Variants in MARCHF1 observed in about 807,000 individuals in gnomAD.
MARCHF1 encodes the protein membrane associated ring-CH-type finger 1.
Under a neutral mutation model 54.2 loss-of-function variants are expected in MARCHF1, and 40 were observed. The observed-to-expected ratio is 0.74, with a 90% CI of 0.57 to 0.96. The LOEUF is 0.96. MARCHF1 is among the 40% of genes least tolerant of loss of function. The pLI is 0.00. For missense variants in MARCHF1, 586 were observed against 656.5 expected (o/e 0.89, Z 1.17); for synonymous variants, 236 against 236.3 (o/e 1.00, Z 0.01).
In MARCHF1 at chr4:164,219,125, TC is replaced by T. The variant is rs1742628867; in HGVS notation, c.-322-107464del. Reference sequence around the variant, plus strand: ...TGTGAAGAAGTCTGCACATGAGTGTTCCTAGCAGCTGTCTCGGTTTGGGCAT... The same window carrying T: ...TGTGAAGAAGTCTGCACATGAGTGTTCTAGCAGCTGTCTCGGTTTGGGCAT... On this transcript the variant is annotated intron_variant, in intron 1 of 9. Coordinates refer to ENST00000514618, the MANE Select transcript of MARCHF1 (RefSeq NM_001394959.1). Among the ~76,000 whole-genome samples, 3 of 152,266 alleles carry T rather than the reference TC, an allele frequency of 2.0e-5. No homozygotes were observed. The South Asian group carries it at 6.2e-4, about 32-fold the overall frequency.
intron 2 of MARCHF1, among the ~76,000 whole-genome samples, chr4:164,052,161 T>A (rs1234029271): frequency 6.6e-6 from 1 of 152,066 alleles, no homozygotes; most frequent in African/African-American, 2.4e-5. Context: ...TTTTTGTATT[T>A]TTTAAAAAAA....
intron 4 of MARCHF1, among the ~76,000 whole-genome samples, chr4:163,822,906 T>C (rs1166076119): frequency 6.6e-6 from 1 of 151,870 alleles, no homozygotes; most frequent in Non-Finnish European, 1.5e-5. Context: ...ATTCCACTCA[T>C]AGATATGGGT....
At chr4:163,616,313 G>C (rs1254074754) in intron 5 of MARCHF1, among the ~76,000 whole-genome samples, 1 of 152,116 alleles carries the variant, frequency 6.6e-6, no homozygotes, top group African/African-American at 2.4e-5. Context: ...GTAGTGAAGA[G>C]ACAGTCTGTA....
intron 1 of MARCHF1, among the ~76,000 whole-genome samples, chr4:164,339,434 TCA>T (rs1729851563): frequency 6.6e-6 from 1 of 152,072 alleles, no homozygotes; most frequent in South Asian, 2.1e-4. Flanking sequence ...ACTGGAAAAC[TCA>T]CAAATATGTA....
At chr4:163,577,809 T>C (rs936679810) in intron 8 of MARCHF1, among the ~76,000 whole-genome samples, 3 of 151,994 alleles carry the variant, frequency 2.0e-5, no homozygotes, top group Admixed American at 2.0e-4. Flanking sequence ...TTTGTCTAAC[T>C]GGGTGAGTTC....
intron 3 of MARCHF1, among the ~76,000 whole-genome samples, chr4:163,941,240 A>C (rs1009161531): frequency 1.3e-5 from 2 of 152,136 alleles, no homozygotes; most frequent in African/African-American, 4.8e-5. Context: ...TGTAAGCTTT[A>C]AGAGTGAAAA....
chr4:164,042,473 C>CTCATGAGAACACACTCACTG (rs1416690865), intron 2 of MARCHF1, among the ~76,000 whole-genome samples: 1 of 152,096 alleles, frequency 6.6e-6, no homozygotes, highest in Non-Finnish European at 1.5e-5. Flanking sequence ...ACAAACAGAT[C>CTCATGAGAACACACTCACTG]TCATGAGAAC....
chr4:163,741,907 T>C lies in MARCHF1; in HGVS notation c.112-41044A>G, dbSNP rs139914012. Among the ~76,000 whole-genome samples the C allele has an allele frequency of 3.3e-5, 5 of 152,374 alleles. No homozygotes were observed. In the East Asian group the frequency reaches 5.8e-4, roughly 18 times the overall value. On this transcript the variant is annotated intron_variant, in intron 4 of 9. Coordinates refer to ENST00000514618, the MANE Select transcript of MARCHF1 (RefSeq NM_001394959.1). ...TTTAATGTTTTCCATTATGATAATA[T>C]GTATATTTATATAAAACATACAATT...
intron 1 of MARCHF1, among the ~76,000 whole-genome samples, chr4:164,249,342 G>A (rs1733055393): frequency 6.6e-6 from 1 of 152,066 alleles, no homozygotes; most frequent in African/African-American, 2.4e-5. Context: ...TTTGATTTTT[G>A]ATGTATGGGA....
chr4:164,208,342 T>G (rs1331990990), intron 1 of MARCHF1, among the ~76,000 whole-genome samples: 1 of 152,190 alleles, frequency 6.6e-6, no homozygotes, highest in Admixed American at 6.5e-5. Context: ...GGCTGGATTC[T>G]TTCTTCCTGC....
At chr4:163,921,711 C>T (rs994910534) in intron 3 of MARCHF1, among the ~76,000 whole-genome samples, 1 of 151,952 alleles carries the variant, frequency 6.6e-6, no homozygotes, top group African/African-American at 2.4e-5. Context: ...TTAATTAGAA[C>T]TGTTTAATTA....
intron 1 of MARCHF1, chr4:164,383,103 T>C (rs80162682): frequency 0.071 from 10,735 of 152,216 alleles, 475 homozygotes; most frequent in Middle Eastern, 0.15. Context: ...GGATAAAACT[T>C]GGGCGTCTCT....
chr4:163,875,655 GAATC>G (rs1237434223), intron 3 of MARCHF1, among the ~76,000 whole-genome samples: 2 of 152,128 alleles, frequency 1.3e-5, no homozygotes, highest in South Asian at 4.2e-4. Context: ...TATGAAAAGT[GAATC>G]AATTTTTCCA....
At chr4:164,012,723 G>C (rs1753450653) in intron 2 of MARCHF1, among the ~76,000 whole-genome samples, 1 of 152,142 alleles carries the variant, frequency 6.6e-6, no homozygotes, top group Non-Finnish European at 1.5e-5. Context: ...GGAAAAGAAA[G>C]TGAGAGACTT....
In MARCHF1 at chr4:163,612,609, T is replaced by A; in HGVS notation, c.672A>T (p.Glu224Asp). Residue 224 changes from glutamate (E) to aspartate (D), a missense_variant, in exon 7 of 10, where the codon GAA (glutamate) becomes GAT (aspartate). Around this residue, in one of 3 missense-constraint regions of MARCHF1, gnomAD observed 387 missense variants for 394.6 expected, o/e 0.98. Coordinates refer to ENST00000514618, the MANE Select transcript of MARCHF1 (RefSeq NM_001394959.1). ...GGAGATTTAAAGAGCAACTCTCACA[T>A]TCAATCAGCTCTTGTTGCTCTTTAC... ...SKGKEQQELI[E>D]CESCSLNLHR... 1 of 1,535,636 alleles carries A rather than the reference T, an allele frequency of 6.5e-7. No homozygotes were observed. Among genetic ancestry groups the A allele is most frequent in the Non-Finnish European group, 8.7e-7 (1 of 1,146,554 alleles).
In MARCHF1 at chr4:163,528,657, G is replaced by A. The variant is rs1738230229; in HGVS notation, c.*91C>T. 1.5e-6 allele frequency: 2 copies of A among 1,299,814 alleles called. No individual in the cohort carries two copies. The highest frequency in any genetic ancestry group is 1.5e-5 in the African/African-American group (1 of 67,130). The allele number at this position is 1,299,814 out of a possible 1,614,324, so 80.5% of individuals were successfully genotyped here. A position where few individuals can be genotyped will look rare whatever the true frequency, so the allele number is the denominator to read the frequency against. On this transcript the variant is annotated 3_prime_UTR_variant, in exon 10 of 10. Transcript: ENST00000514618. ...TCAGTAGGAGAAAGGAGGAGCTGAAGGGAGTAAATAATTCAAGATCACTTC... is the reference window on the plus strand; with the variant it reads ...TCAGTAGGAGAAAGGAGGAGCTGAAAGGAGTAAATAATTCAAGATCACTTC...
At chr4:163,576,923 C>G (rs542999674) in intron 8 of MARCHF1, among the ~76,000 whole-genome samples, 1 of 151,980 alleles carries the variant, frequency 6.6e-6, no homozygotes, top group East Asian at 1.9e-4. Flanking sequence ...AATTTTCCAG[C>G]CATTTATTTT....
At chr4:163,563,861 C>A (rs1412564342) in intron 8 of MARCHF1, among the ~76,000 whole-genome samples, 1 of 152,144 alleles carries the variant, frequency 6.6e-6, no homozygotes, top group Non-Finnish European at 1.5e-5. Context: ...TAAATCTGTG[C>A]GTTTATCGAA....
At chr4:163,856,997 A>G (rs1352624021) in intron 3 of MARCHF1, among the ~76,000 whole-genome samples, 1 of 149,968 alleles carries the variant, frequency 6.7e-6, no homozygotes. Flanking sequence ...TGGACAATAG[A>G]ACAGGACTTT....
Sources: gnomAD v4.1 joint callset for allele counts (sites outside exome capture counted in the v4.1 genomes callset) on GRCh38, gnomAD v4.1.1 for gene constraint, gnomAD v4.1.1 regional missense constraint, MANE v1.5 for transcripts, NCBI Gene and HGNC (gene_info 2026-07-23, HGNC 2026-07-21) for gene names.